Variants in HS3ST4 observed in about 807,000 individuals in gnomAD.
The protein encoded by HS3ST4 is heparan sulfate-glucosamine 3-sulfotransferase 4, also known as heparan sulfate glucosamine 3-O-sulfotransferase 4.
A neutral mutation model predicts 29.2 loss-of-function variants in HS3ST4; 17 were observed. The ratio of observed to expected loss-of-function variants is 0.58; its 90% CI spans 0.40 to 0.87. The LOEUF is 0.87. Among genes scored for constraint, HS3ST4 ranks in the 40% least tolerant of loss-of-function variants. The probability of loss-of-function intolerance (pLI) is 0.00; values close to 1 mark genes in which losing one functional copy is unlikely to be tolerated. For missense variants in HS3ST4, 627 were observed against 634.5 expected, an observed-to-expected ratio of 0.99 and a Z score of 0.13; for synonymous variants, 314 against 285.7, an observed-to-expected ratio of 1.10 and a Z score of -1.00.
chr16:25,715,093 C>T (rs565045531), intron 1 of HS3ST4, among the ~76,000 whole-genome samples: 230 of 151,834 alleles, frequency 1.5e-3, no homozygotes, highest in African/African-American at 5.1e-3. Flanking sequence ...GAGGCCGAGG[C>T]GGGTGGATCA....
intron 1 of HS3ST4, among the ~76,000 whole-genome samples, chr16:25,981,928 G>A (rs74607739): frequency 0.056 from 8,455 of 152,196 alleles, 334 homozygotes; most frequent in Middle Eastern, 0.092. Flanking sequence ...AAATGGCCTC[G>A]GCCTCATGAA....
At chr16:25,911,466 G>A (rs576596315) in intron 1 of HS3ST4, among the ~76,000 whole-genome samples, 1 of 148,754 alleles carries the variant, frequency 6.7e-6, no homozygotes, top group Non-Finnish European at 1.5e-5. Context: ...ATCTGGCAGA[G>A]TGCAGAGGGA....
intron 1 of HS3ST4, among the ~76,000 whole-genome samples, chr16:25,846,889 T>C (rs1306572338): frequency 6.6e-6 from 1 of 152,202 alleles, no homozygotes; most frequent in Non-Finnish European, 1.5e-5. Context: ...CTATCTGTTG[T>C]GTTCCACTCA....
intron 1 of HS3ST4, among the ~76,000 whole-genome samples, chr16:25,808,191 G>A (rs1967006983): frequency 6.6e-6 from 1 of 152,232 alleles, no homozygotes; most frequent in South Asian, 2.1e-4. Context: ...TCAAGTCTAA[G>A]AATTCTTTGC....
At chr16:26,130,801 C>T (rs1209604314) in intron 1 of HS3ST4, among the ~76,000 whole-genome samples, 1 of 152,184 alleles carries the variant, frequency 6.6e-6, no homozygotes, top group Non-Finnish European at 1.5e-5. Flanking sequence ...TCTCCCTACT[C>T]CCTGGCAGGT....
At chr16:25,946,685 C>T (rs1258429110) in intron 1 of HS3ST4, among the ~76,000 whole-genome samples, 4 of 152,076 alleles carry the variant, frequency 2.6e-5, no homozygotes, top group Non-Finnish European at 4.4e-5. Context: ...ATTGCAACTG[C>T]AATAAGTGAA....
intron 1 of HS3ST4, among the ~76,000 whole-genome samples, chr16:25,712,938 A>T (rs969908811): frequency 2.0e-5 from 3 of 152,106 alleles, no homozygotes; most frequent in African/African-American, 7.2e-5. Flanking sequence ...AGACGGCTCT[A>T]TTCTCCCTGT....
chr16:25,788,541 T>TTC (rs1386518335), intron 1 of HS3ST4, among the ~76,000 whole-genome samples: 14 of 16,930 alleles, frequency 8.3e-4, no homozygotes, highest in South Asian at 3.5e-3. Context: ...TCTTTTCTTC[T>TTC]TTCTTTTTTT....
intron 1 of HS3ST4, among the ~76,000 whole-genome samples, chr16:25,722,179 T>G (rs985481530): frequency 3.9e-5 from 6 of 152,146 alleles, no homozygotes; most frequent in African/African-American, 1.4e-4. Context: ...ACTACTCAAT[T>G]AATTCTGTCC....
intron 1 of HS3ST4, among the ~76,000 whole-genome samples, chr16:25,730,523 G>GTCCTTCTCTCCCTCTCT: frequency 1.1e-5 from 1 of 88,452 alleles, no homozygotes; most frequent in South Asian, 4.0e-4. Flanking sequence ...CCCTCCCTCT[G>GTCCTTCTCTCCCTCTCT]TCCTTCTCTC....
chr16:25,938,476 A>G (rs1968539969), intron 1 of HS3ST4, among the ~76,000 whole-genome samples: 1 of 152,102 alleles, frequency 6.6e-6, no homozygotes, highest in Non-Finnish European at 1.5e-5. Context: ...TCGCACATCT[A>G]TCTCTTGCTC....
At chr16:25,920,044 T>C (rs1968331421) in intron 1 of HS3ST4, among the ~76,000 whole-genome samples, 1 of 152,170 alleles carries the variant, frequency 6.6e-6, no homozygotes, top group African/African-American at 2.4e-5. Context: ...TATGATTCTC[T>C]GGGTTCTGTG....
intron 1 of HS3ST4, among the ~76,000 whole-genome samples, chr16:25,785,585 G>A (rs1197398854): frequency 2.6e-5 from 4 of 152,154 alleles, no homozygotes; most frequent in African/African-American, 7.2e-5. Flanking sequence ...CAGAAGATTG[G>A]CATGATCTCA....
Position 26,136,362 on chromosome 16 carries a change from C to G in HS3ST4, c.*114C>G. 1.0e-6 allele frequency: 1 copy of G among 986,520 alleles called. No individual in the cohort carries two copies. Among genetic ancestry groups the G allele is most frequent in the Middle Eastern group, 2.5e-4 (1 of 4,004 alleles). 61.1% of individuals were successfully genotyped at this position (986,520 alleles called of 1,614,324 possible). ...GCTGGAGTGCCAAGTAGATCTCCTCCTCCTTCATGCAGCCAGGATTGCCTC... is the reference window on the plus strand; with the variant it reads ...GCTGGAGTGCCAAGTAGATCTCCTCGTCCTTCATGCAGCCAGGATTGCCTC... On this transcript the variant is annotated 3_prime_UTR_variant, in exon 2 of 2. Coordinates refer to ENST00000331351, the MANE Select transcript of HS3ST4 (RefSeq NM_006040.3).
chr16:25,920,376 C>T (rs1419982401), intron 1 of HS3ST4, among the ~76,000 whole-genome samples: 1 of 152,146 alleles, frequency 6.6e-6, no homozygotes, highest in African/African-American at 2.4e-5. Flanking sequence ...CTACGGGGCC[C>T]TCCATGATCT....
intron 1 of HS3ST4, among the ~76,000 whole-genome samples, chr16:25,802,925 A>ATG (rs1966952755): frequency 1.5e-5 from 2 of 131,340 alleles, no homozygotes; most frequent in African/African-American, 5.6e-5. Context: ...TTTAAGTTAT[A>ATG]TATGTGTGTG....
At chr16:26,103,584 C>T (rs1899014976) in intron 1 of HS3ST4, among the ~76,000 whole-genome samples, 1 of 152,188 alleles carries the variant, frequency 6.6e-6, no homozygotes, top group African/African-American at 2.4e-5. Flanking sequence ...TCTATCAGAA[C>T]ATTTGTTTTA....
chr16:25,989,850 C>T (rs146289332), intron 1 of HS3ST4, among the ~76,000 whole-genome samples: 97 of 152,306 alleles, frequency 6.4e-4, no homozygotes, highest in Non-Finnish European at 6.5e-4. Flanking sequence ...ATGCCAGGGT[C>T]GCTATAAAGT....
At chr16:25,724,047 GA>G (rs772519003) in intron 1 of HS3ST4, among the ~76,000 whole-genome samples, 31 of 150,024 alleles carry the variant, frequency 2.1e-4, no homozygotes, top group Non-Finnish European at 3.1e-4. Context: ...CCAGGAGGTG[GA>G]GGTTGCAGAG....
Sources: gnomAD v4.1 joint callset for allele counts (sites outside exome capture counted in the v4.1 genomes callset) on GRCh38, gnomAD v4.1.1 for gene constraint, MANE v1.5 for transcripts, NCBI Gene and HGNC (gene_info 2026-07-23, HGNC 2026-07-21) for gene names.